ELP1: variants seen among roughly 807,000 people sequenced by gnomAD.
The protein encoded by ELP1 is elongator complex protein 1.
In ELP1, 131 loss-of-function variants were observed where a neutral mutation model predicts 183.2. That is an observed-to-expected ratio of 0.72 (90% CI 0.62 to 0.83). ELP1 has a LOEUF of 0.83. Ranked by LOEUF, ELP1 falls within the 40% of genes least tolerant of loss-of-function variation. The pLI, the probability that ELP1 is intolerant of heterozygous loss-of-function variation, is 0.00. For synonymous variants in ELP1, 555 were observed against 569.0 expected (o/e 0.98, Z 0.35); for missense variants, 1,550 against 1,594.9 (o/e 0.97, Z 0.48).
chr9:108,888,737 C>A (rs948597182), intron 29 of ELP1, among the ~76,000 whole-genome samples: 2 of 152,192 alleles, frequency 1.3e-5, no homozygotes, highest in Non-Finnish European at 2.9e-5. Context: ...TCAGTAACAA[C>A]TGTAAAAAAC....
chr9:108,876,563 C>T (rs1030682849), intron 35 of ELP1, among the ~76,000 whole-genome samples: 2 of 152,082 alleles, frequency 1.3e-5, no homozygotes, highest in African/African-American at 4.8e-5. Context: ...CTCTCAGCTC[C>T]AACCCACCCT....
chr9:108,906,657 C>A (rs1829033395), intron 13 of ELP1, among the ~76,000 whole-genome samples, 172 bp from the exon 14 acceptor site: 1 of 152,184 alleles, frequency 6.6e-6, no homozygotes, highest in Non-Finnish European at 1.5e-5. Flanking sequence ...TAATCTTTGT[C>A]TGGCTTAAGA....
chr9:108,913,359 C>G (rs191621602), intron 10 of ELP1, among the ~76,000 whole-genome samples: 1 of 152,254 alleles, frequency 6.6e-6, no homozygotes, highest in Non-Finnish European at 1.5e-5. Context: ...CTTCCAACAT[C>G]TATTAAGCAA....
chr9:108,897,539 T>C (rs1042031651), intron 22 of ELP1, among the ~76,000 whole-genome samples: 2 of 152,052 alleles, frequency 1.3e-5, no homozygotes, highest in African/African-American at 2.4e-5. Context: ...AATAAGCAAA[T>C]AGTGGTGTAT....
intron 36 of ELP1, among the ~76,000 whole-genome samples, chr9:108,872,828 A>AC (rs1564207285): frequency 1.5e-4 from 19 of 126,488 alleles, no homozygotes; most frequent in Admixed American, 1.1e-3. Context: ...AAAAAAAAAA[A>AC]AAAAAAAAAA....
intron 13 of ELP1, among the ~76,000 whole-genome samples, chr9:108,907,334 T>C (rs929173554): frequency 3.3e-5 from 5 of 152,314 alleles, no homozygotes; most frequent in African/African-American, 9.6e-5. Flanking sequence ...AACTGCCTCA[T>C]ACTTTCTAAT....
intron 36 of ELP1, among the ~76,000 whole-genome samples, chr9:108,869,385 T>C (rs553291644): frequency 6.6e-6 from 1 of 152,268 alleles, no homozygotes; most frequent in South Asian, 2.1e-4. Flanking sequence ...GAGGAGGGAC[T>C]GCATTTCAAC....
intron 28 of ELP1, among the ~76,000 whole-genome samples, chr9:108,890,265 G>A (rs986384856): frequency 6.6e-6 from 1 of 152,114 alleles, no homozygotes; most frequent in African/African-American, 2.4e-5. Context: ...GGAAACGGAG[G>A]GATTTGGGAA....
At chr9:108,923,761 T>C (rs187233129) in intron 5 of ELP1, among the ~76,000 whole-genome samples, 1 of 152,312 alleles carries the variant, frequency 6.6e-6, no homozygotes, top group African/African-American at 2.4e-5. Flanking sequence ...TCTTTCTAGA[T>C]CGTAACACTT....
rs2131992137 is a variant in ELP1, at chr9:108,901,538, A to G, written c.1909-8T>C. 4 of 1,612,864 alleles carry G rather than the reference A, an allele frequency of 2.5e-6. No individual in the cohort carries two copies. Among genetic ancestry groups the G allele is most frequent in the Non-Finnish European group, 2.5e-6 (3 of 1,178,772 alleles). On this transcript the variant is annotated splice_region_variant and splice_polypyrimidine_tract_variant and intron_variant, in intron 17 of 36. Coordinates refer to ENST00000374647, the MANE Select transcript of ELP1 (RefSeq NM_003640.5). The stretch of plus-strand genomic sequence containing the variant: ...CGTGATATTTGACGCAACCTGCAAG[A>G]GAAGGCCAGAGAGGCATGGGTGAAA...
chr9:108,922,999 C>A lies in ELP1; in HGVS notation c.467-72G>T, dbSNP rs549517737. 4.5e-6 allele frequency: 5 copies of A among 1,122,000 alleles called. No homozygotes were observed. The African/African-American group carries it at 6.1e-5, about 14-fold the overall frequency. 69.5% of individuals were successfully genotyped at this position (1,122,000 alleles called of 1,614,324 possible). A position where few individuals can be genotyped will look rare whatever the true frequency, so the allele number is the denominator to read the frequency against. ...CAAAAACAGTTTCACTGCTATTCTT[C>A]ATGAAGTTAGTCATTGGCAATTACT... is the stretch of plus-strand genomic sequence containing the variant. On this transcript the variant is annotated intron_variant, in intron 5 of 36. Coordinates refer to ENST00000374647, the MANE Select transcript of ELP1 (RefSeq NM_003640.5).
Position 108,889,392 on chromosome 9 carries a change from T to A in ELP1, c.3162A>T (p.Gly1054=). 1 of 1,614,082 alleles carries A rather than the reference T, an allele frequency of 6.2e-7. No individual in the cohort carries two copies. The highest frequency in any genetic ancestry group is 8.5e-7 in the Non-Finnish European group (1 of 1,179,928). The change falls in exon 29 of 37, where the codon GGA becomes GGT. Residue 1054 remains glycine (G), a splice_region_variant and synonymous_variant. Transcript: ENST00000374647. ...QLVGLGRTLA[G]KLVEQRKHID... is the part of the protein sequence containing the mutation. The stretch of plus-strand genomic sequence containing the variant: ...TGTGCTTCCTCTGCTCAACCAGCTT[T>A]CCTGTAGAGACAATAAGCAGCAGTT...
chr9:108,921,085 T>C (rs1159400722), intron 6 of ELP1, among the ~76,000 whole-genome samples: 1 of 152,230 alleles, frequency 6.6e-6, no homozygotes. Flanking sequence ...GTTCACCCAT[T>C]TGAAGTACAC....
chr9:108,898,005 G>A (rs887074114), intron 22 of ELP1, among the ~76,000 whole-genome samples: 1 of 152,208 alleles, frequency 6.6e-6, no homozygotes, highest in Non-Finnish European at 1.5e-5. Context: ...GTGGACTGAT[G>A]TCTACAACTC....
At chr9:108,916,321 A>G (rs1475884215) in intron 9 of ELP1, 24 bp from the exon 10 acceptor site, 2 of 1,563,302 alleles carry the variant, frequency 1.3e-6, no homozygotes, top group East Asian at 2.2e-5. Context: ...AAGATCTGTC[A>G]TTGGCTTTCA....
chr9:108,896,687 GA>G, intron 24 of ELP1, 43 bp from the exon 25 acceptor site: 1 of 1,594,314 alleles, frequency 6.3e-7, no homozygotes, highest in Non-Finnish European at 8.6e-7. Flanking sequence ...ATCATTTGGG[GA>G]AAAAATCCAC....
intron 8 of ELP1, among the ~76,000 whole-genome samples, 168 bp from the exon 9 acceptor site, chr9:108,917,838 G>A (rs183150569): frequency 6.6e-6 from 1 of 152,240 alleles, no homozygotes; most frequent in Admixed American, 6.5e-5. Context: ...GTCTCTCGGC[G>A]AGCGGTTCAT....
At chr9:108,925,277 C>G (rs1399558239) in intron 5 of ELP1, among the ~76,000 whole-genome samples, 1 of 152,176 alleles carries the variant, frequency 6.6e-6, no homozygotes, top group East Asian at 1.9e-4. Flanking sequence ...TGTCCATATT[C>G]CCTACTACAA....
chr9:108,869,885 G>A (rs528086938), intron 36 of ELP1, among the ~76,000 whole-genome samples: 1 of 152,304 alleles, frequency 6.6e-6, no homozygotes, highest in South Asian at 2.1e-4. Context: ...CTGTACATAT[G>A]AGCCATGCAG....
Sources: gnomAD v4.1 joint callset for allele counts (sites outside exome capture counted in the v4.1 genomes callset) on GRCh38, gnomAD v4.1.1 for gene constraint, MANE v1.5 for transcripts, NCBI Gene and HGNC (gene_info 2026-07-23, HGNC 2026-07-21) for gene names.